Variants in ARHGEF3 observed in about 807,000 individuals in gnomAD.
The protein encoded by ARHGEF3 is 59.8 kDA protein.
A neutral mutation model predicts 63.2 loss-of-function variants in ARHGEF3; 28 were observed. The observed-to-expected ratio is 0.44, with a 90% CI of 0.33 to 0.61. The LOEUF is 0.61. ARHGEF3 is among the 20% of genes least tolerant of loss of function. ARHGEF3 has a pLI of 0.03. For missense variants in ARHGEF3, 533 were observed against 659.3 expected, an observed-to-expected ratio of 0.81 and a Z score of 2.10; for synonymous variants, 266 against 254.2, an observed-to-expected ratio of 1.05 and a Z score of -0.44.
intron 3 of ARHGEF3, among the ~76,000 whole-genome samples, chr3:56,911,433 C>T (rs565753498): frequency 1.3e-5 from 2 of 152,182 alleles, no homozygotes; most frequent in South Asian, 2.1e-4. Context: ...CTGCCCACCC[C>T]GGCCAGTATC....
chr3:56,846,213 T>C (rs1436621119), intron 4 of ARHGEF3, among the ~76,000 whole-genome samples: 2 of 152,242 alleles, frequency 1.3e-5, no homozygotes, highest in Non-Finnish European at 2.9e-5. Flanking sequence ...GGGAGCTTTA[T>C]ATATGTCTTT....
chr3:56,875,120 T>C (rs903605980), intron 4 of ARHGEF3, among the ~76,000 whole-genome samples: 1 of 152,158 alleles, frequency 6.6e-6, no homozygotes, highest in Non-Finnish European at 1.5e-5. Context: ...ATAACTTCTA[T>C]CCACTCCGTT....
At chr3:57,001,626 T>A (rs1402498834) in intron 2 of ARHGEF3, among the ~76,000 whole-genome samples, 1 of 152,214 alleles carries the variant, frequency 6.6e-6, no homozygotes, top group African/African-American at 2.4e-5. Flanking sequence ...GTTTTCCTGA[T>A]ACAGTGCAGG....
At position 56,989,401 on chromosome 3, in the gene ARHGEF3, C is replaced by G. The variant is rs566807307; in HGVS notation, c.63-30512G>C. ...AGAGCAATCAAGTGTCCACAGGTGG[C>G]CCACAGCAGTGCCCCATTTCCATTT... is the stretch of plus-strand genomic sequence containing the variant. On this transcript the variant is annotated intron_variant, in intron 2 of 12. Transcript: ENST00000338458. Among the ~76,000 whole-genome samples the G allele has an allele frequency of 2.3e-4, 35 of 152,254 alleles. 1 individual carries two copies. In the South Asian group the frequency reaches 7.3e-3, roughly 32 times the overall value.
chr3:57,068,168 T>TATACAC lies in ARHGEF3; in HGVS notation c.-28+11057_-28+11058insGTGTAT, dbSNP rs1553820865. On this transcript the variant is annotated intron_variant, in intron 1 of 12. Coordinates refer to the ARHGEF3 transcript ENST00000338458. ...ATTCAGATATGCGCGCACACACACA[T>TATACAC]ACACACACACACACACACACACCAG... Among the ~76,000 whole-genome samples, 5 of 149,094 alleles carry TATACAC rather than the reference T, an allele frequency of 3.4e-5. No individual in the cohort carries two copies. In the East Asian group the frequency reaches 9.9e-4, roughly 29 times the overall value.
intron 2 of ARHGEF3, among the ~76,000 whole-genome samples, chr3:56,968,246 T>A: frequency 2.4e-5 from 1 of 41,274 alleles, no homozygotes; most frequent in Non-Finnish European, 4.7e-5. Flanking sequence ...ATATATATAT[T>A]AATATATAAT....
intron 8 of ARHGEF3, among the ~76,000 whole-genome samples, chr3:56,733,984 C>CAAAAAAA (rs777924213): frequency 1.8e-5 from 1 of 55,120 alleles, no homozygotes; most frequent in Non-Finnish European, 3.5e-5. Context: ...AATTCTGTCT[C>CAAAAAAA]AAAAAAAAAA....
chr3:56,796,673 G>A (rs147750479), intron 1 of ARHGEF3, among the ~76,000 whole-genome samples: 27 of 152,284 alleles, frequency 1.8e-4, no homozygotes, highest in Admixed American at 4.6e-4. Context: ...CATCCTTCAC[G>A]TGTTATGAGG....
In ARHGEF3 at chr3:56,925,122, G is replaced by A. The variant is rs573196583; in HGVS notation, c.129+33701C>T. 5.2e-5 allele frequency among the ~76,000 whole-genome samples: 8 copies of A among 152,382 alleles called. No individual in the cohort carries two copies. In the South Asian group the frequency reaches 1.4e-3, roughly 28 times the overall value. On this transcript the variant is annotated intron_variant, in intron 3 of 12. Coordinates refer to the ARHGEF3 transcript ENST00000338458. ...CCAATCATGTGCTGGGATGCAAAGC[G>A]GCAGGGCCGCTGCAGACCCCATTCT...
At position 56,775,779 on chromosome 3, in the gene ARHGEF3, C is replaced by CACACACACACACACGCGCAA. The variant is rs1305999846; in HGVS notation, c.97-1983_97-1964dup. The CACACACACACACACGCGCAA allele has an allele frequency of 2.4e-5, 8 of 329,086 alleles. No individual in the cohort carries two copies. In the Admixed American group the frequency reaches 3.3e-4, roughly 13 times the overall value. 20.4% of individuals were successfully genotyped at this position (329,086 alleles called of 1,614,324 possible). On this transcript the variant is annotated intron_variant, in intron 1 of 9. Coordinates refer to ENST00000296315, the MANE Select transcript of ARHGEF3 (RefSeq NM_019555.3). Reference sequence around the variant, plus strand: ...AGCTGCACCACTAGCGTACTGAATACACACACACACACACGCGCAAGCACA... The same window carrying CACACACACACACACGCGCAA: ...AGCTGCACCACTAGCGTACTGAATACACACACACACACACGCGCAAACACACACACACACGCGCAAGCACA...
intron 4 of ARHGEF3, among the ~76,000 whole-genome samples, chr3:56,866,888 T>C (rs2040268345): frequency 6.6e-6 from 1 of 152,254 alleles, no homozygotes; most frequent in Non-Finnish European, 1.5e-5. Context: ...CTGAGAGATC[T>C]TTCCATACCA....
chr3:56,882,411 T>C, intron 3 of ARHGEF3: 2 of 1,461,706 alleles, frequency 1.4e-6, no homozygotes, highest in Non-Finnish European at 1.9e-6. Flanking sequence ...TGGCTTTGAT[T>C]AAGGCAAGAA....
At chr3:56,980,061 A>G (rs1701267173) in intron 2 of ARHGEF3, among the ~76,000 whole-genome samples, 1 of 152,178 alleles carries the variant, frequency 6.6e-6, no homozygotes, top group South Asian at 2.1e-4. Context: ...ATTGAGAATG[A>G]TGATGATAAC....
At chr3:56,886,663 A>G (rs2040935736) in intron 3 of ARHGEF3, among the ~76,000 whole-genome samples, 1 of 152,204 alleles carries the variant, frequency 6.6e-6, no homozygotes, top group South Asian at 2.1e-4. Flanking sequence ...CACTGATAAT[A>G]ATGAAAGCTT....
intron 1 of ARHGEF3, among the ~76,000 whole-genome samples, chr3:57,045,520 A>C (rs1314058395): frequency 1.3e-5 from 2 of 152,138 alleles, no homozygotes; most frequent in African/African-American, 4.8e-5. Flanking sequence ...CATTGTCATC[A>C]TTGTCCTCCT....
chr3:56,826,894 G>A (rs2038732967), intron 4 of ARHGEF3, among the ~76,000 whole-genome samples: 1 of 151,982 alleles, frequency 6.6e-6, no homozygotes, highest in African/African-American at 2.4e-5. Context: ...CATTTGGATA[G>A]GATAATTTTA....
intron 2 of ARHGEF3, among the ~76,000 whole-genome samples, chr3:56,992,197 G>T (rs1005800332): frequency 2.0e-5 from 3 of 151,324 alleles, no homozygotes; most frequent in Non-Finnish European, 4.4e-5. Context: ...CTGCTAGTTC[G>T]CTCATTAATG....
intron 4 of ARHGEF3, among the ~76,000 whole-genome samples, chr3:56,850,721 T>C (rs535951365): frequency 1.2e-4 from 19 of 152,328 alleles, no homozygotes; most frequent in African/African-American, 4.3e-4. Context: ...GTGAGGCTCT[T>C]GGAGAGAAGC....
chr3:56,822,573 G>A (rs868184225), intron 4 of ARHGEF3, among the ~76,000 whole-genome samples: 6 of 152,050 alleles, frequency 3.9e-5, no homozygotes, highest in African/African-American at 1.4e-4. Flanking sequence ...TAAAAATCAC[G>A]GTTGTGGCCG....
Sources: gnomAD v4.1 joint callset for allele counts (sites outside exome capture counted in the v4.1 genomes callset) on GRCh38, gnomAD v4.1.1 for gene constraint, MANE v1.5 for transcripts, NCBI Gene and HGNC (gene_info 2026-07-23, HGNC 2026-07-21) for gene names.